Variants in SAE1 observed in about 807,000 individuals in gnomAD.
SAE1 encodes the protein SUMO-activating enzyme subunit 1.
A neutral mutation model predicts 40.6 loss-of-function variants in SAE1; 11 were observed. That is an observed-to-expected ratio of 0.27 (90% CI 0.17 to 0.45). The LOEUF is 0.45. Among genes scored for constraint, SAE1 ranks in the 20% least tolerant of loss-of-function variants. SAE1 has a pLI of 1.00. For missense variants in SAE1, 373 were observed against 427.3 expected, an observed-to-expected ratio of 0.87 and a Z score of 1.12; for synonymous variants, 155 against 154.3, an observed-to-expected ratio of 1.00 and a Z score of -0.03.
rs112953047 is a variant in SAE1, at chr19:47,205,499, A to C, written c.948+1759A>C. On this transcript the variant is annotated intron_variant, in intron 8 of 8. Transcript: ENST00000270225. ...CACATTTTATACATAGCCCAGAGTG[A>C]TGTGAAAATTACAGTTTATATGCCC... is the stretch of plus-strand genomic sequence containing the variant. 4.6e-5 allele frequency among the ~76,000 whole-genome samples: 7 copies of C among 152,224 alleles called. 1 individual carries two copies. Among genetic ancestry groups the C allele is most frequent in the African/African-American group, 1.7e-4 (7 of 41,546 alleles).
chr19:47,136,494 CT>C (rs35463823), intron 1 of SAE1, among the ~76,000 whole-genome samples: 78,122 of 109,426 alleles, frequency 0.71, 26,758 homozygotes, highest in Admixed American at 0.76. Context: ...TTACCCGAGT[CT>C]TTTTTTTTTT....
chr19:47,205,931 GTGT>G (rs1358694896), intron 8 of SAE1, among the ~76,000 whole-genome samples: 1 of 152,246 alleles, frequency 6.6e-6, no homozygotes, highest in Non-Finnish European at 1.5e-5. Flanking sequence ...CATGCATCAG[GTGT>G]TGCCTTCAAT....
chr19:47,177,668 G>A (rs1046954873), intron 6 of SAE1, among the ~76,000 whole-genome samples: 2 of 152,112 alleles, frequency 1.3e-5, no homozygotes, highest in African/African-American at 4.8e-5. Flanking sequence ...TGCCTGGCTC[G>A]TTGTTCTGTT....
intron 1 of SAE1, 59 bp downstream of exon 1, chr19:47,131,087 GT>G (rs778739201): frequency 2.7e-6 from 4 of 1,464,806 alleles, no homozygotes; most frequent in Non-Finnish European, 3.6e-6. Context: ...ATTCTGAGGC[GT>G]TTGCGGCCCG....
At chr19:47,143,643 T>A in intron 2 of SAE1, 38 bp downstream of exon 2, 2 of 1,468,048 alleles carry the variant, frequency 1.4e-6, no homozygotes, top group Non-Finnish European at 1.9e-6. Context: ...CTGCTCTGGC[T>A]CCCCTTTCCA....
At chr19:47,156,575 G>A (rs1429488326) in intron 5 of SAE1, among the ~76,000 whole-genome samples, 1 of 151,726 alleles carries the variant, frequency 6.6e-6, no homozygotes, top group African/African-American at 2.4e-5. Context: ...CCAGGCTGGA[G>A]TGGCACAATC....
At chr19:47,164,538 A>G (rs1332935552) in intron 5 of SAE1, among the ~76,000 whole-genome samples, 1 of 149,272 alleles carries the variant, frequency 6.7e-6, no homozygotes, top group Admixed American at 6.7e-5. Context: ...TTTACCAGTC[A>G]CCTATTGTAT....
In SAE1 at chr19:47,132,736, A is replaced by G. The variant is rs1274111235; in HGVS notation, c.98+1708A>G. ...ACCCAGTCTCTACAAAAAAATACAAAAATTAGCCAGGCATGGTGACATAAG... is the reference window on the plus strand; with the variant it reads ...ACCCAGTCTCTACAAAAAAATACAAGAATTAGCCAGGCATGGTGACATAAG... On this transcript the variant is annotated intron_variant, in intron 1 of 8. Transcript: ENST00000270225. 2.0e-5 allele frequency among the ~76,000 whole-genome samples: 3 copies of G among 152,062 alleles called. No homozygotes were observed. In the East Asian group the frequency reaches 5.8e-4, roughly 29 times the overall value.
At chr19:47,131,219 G>A (rs2058139910) in intron 1 of SAE1, 191 bp downstream of exon 1, 2 of 1,349,238 alleles carry the variant, frequency 1.5e-6, no homozygotes, top group African/African-American at 3.1e-5. Flanking sequence ...CTGGGAAGTG[G>A]TTGGGAGGGC....
chr19:47,205,617 G>A (rs2058682378), intron 8 of SAE1, among the ~76,000 whole-genome samples: 1 of 152,056 alleles, frequency 6.6e-6, no homozygotes, highest in Non-Finnish European at 1.5e-5. Context: ...GTGCAGCAAT[G>A]GGAATGTTCT....
At chr19:47,157,954 C>T (rs1030402785) in intron 5 of SAE1, among the ~76,000 whole-genome samples, 2 of 152,148 alleles carry the variant, frequency 1.3e-5, no homozygotes, top group African/African-American at 4.8e-5. Context: ...AATAACATGC[C>T]TCCTTCCGTT....
chr19:47,203,391 C>T (rs550997079), intron 7 of SAE1, among the ~76,000 whole-genome samples: 7 of 152,120 alleles, frequency 4.6e-5, no homozygotes, highest in Non-Finnish European at 1.0e-4. Flanking sequence ...ATATAGGAAG[C>T]ACAGATATAG....
intron 1 of SAE1, among the ~76,000 whole-genome samples, chr19:47,134,503 A>G (rs186019232): frequency 5.3e-5 from 8 of 152,164 alleles, no homozygotes; most frequent in East Asian, 3.9e-4. Flanking sequence ...GCCTCTGGAC[A>G]TAGGTGGACT....
intron 6 of SAE1, among the ~76,000 whole-genome samples, chr19:47,192,251 T>TGTC (rs962034066): frequency 6.6e-6 from 1 of 151,804 alleles, no homozygotes; most frequent in African/African-American, 2.4e-5. Flanking sequence ...TTGTTGTTGT[T>TGTC]GTCGTCGTTG....
At chr19:47,191,692 C>T (rs1236829208) in intron 6 of SAE1, among the ~76,000 whole-genome samples, 1 of 152,078 alleles carries the variant, frequency 6.6e-6, no homozygotes, top group Admixed American at 6.6e-5. Flanking sequence ...CACAAGGGAC[C>T]AACAAGAGGA....
intron 6 of SAE1, among the ~76,000 whole-genome samples, chr19:47,186,214 T>C (rs1199346241): frequency 1.3e-5 from 2 of 151,712 alleles, no homozygotes; most frequent in African/African-American, 2.4e-5. Context: ...CATTCCAGCC[T>C]GGGCAACAGA....
At chr19:47,154,480 C>CTTTTTTTTTTTTTTTT (rs57870733) in intron 4 of SAE1, among the ~76,000 whole-genome samples, 1 of 51,606 alleles carries the variant, frequency 1.9e-5, no homozygotes, top group Non-Finnish European at 3.3e-5. Context: ...TTAAGTTTGG[C>CTTTTTTTTTTTTTTTT]TTTTTTTTTT....
At chr19:47,202,007 A>T (rs2058658379) in intron 7 of SAE1, among the ~76,000 whole-genome samples, 1 of 152,116 alleles carries the variant, frequency 6.6e-6, no homozygotes. Flanking sequence ...GATGAACAAA[A>T]TGGGAATGTG....
intron 6 of SAE1, among the ~76,000 whole-genome samples, chr19:47,181,632 C>A (rs2123278744): frequency 6.6e-6 from 1 of 151,226 alleles, no homozygotes; most frequent in South Asian, 2.1e-4. Context: ...GTGCCCGCCA[C>A]CACACCTGGC....
Sources: gnomAD v4.1 joint callset for allele counts (sites outside exome capture counted in the v4.1 genomes callset) on GRCh38, gnomAD v4.1.1 for gene constraint, MANE v1.5 for transcripts, NCBI Gene and HGNC (gene_info 2026-07-23, HGNC 2026-07-21) for gene names.